Variants in SLC44A5 observed in about 807,000 individuals in gnomAD.
SLC44A5 encodes the protein choline transporter-like protein 5.
In SLC44A5, 57 loss-of-function variants were observed where a neutral mutation model predicts 101.8. The ratio of observed to expected loss-of-function variants is 0.56; its 90% CI spans 0.45 to 0.70. The LOEUF (loss-of-function observed/expected upper bound fraction) is 0.70, where lower values mean the gene tolerates loss of function less well. SLC44A5 is among the 30% of genes least tolerant of loss of function. The pLI, the probability that SLC44A5 is intolerant of heterozygous loss-of-function variation, is 0.00. For missense variants in SLC44A5, 737 were observed against 853.1 expected (o/e 0.86, Z 1.70); for synonymous variants, 281 against 290.9 (o/e 0.97, Z 0.35).
intron 3 of SLC44A5, among the ~76,000 whole-genome samples, chr1:75,356,482 T>A (rs1187071710): frequency 1.3e-5 from 2 of 151,970 alleles, no homozygotes; most frequent in Non-Finnish European, 2.9e-5. Context: ...AAAATTTTTT[T>A]GTACAGCTAT....
chr1:75,405,003 T>C (rs745880473), intron 2 of SLC44A5, among the ~76,000 whole-genome samples: 23 of 152,146 alleles, frequency 1.5e-4, no homozygotes, highest in Non-Finnish European at 2.6e-4. Context: ...TGGAGGAAGA[T>C]TTATGAAGCA....
At chr1:75,514,893 C>T (rs1274449760) in intron 2 of SLC44A5, among the ~76,000 whole-genome samples, 1 of 152,072 alleles carries the variant, frequency 6.6e-6, no homozygotes, top group African/African-American at 2.4e-5. Context: ...TACATGGACC[C>T]TATGGATGGA....
At chr1:75,638,748 A>T in the SLC44A5 span, among the ~76,000 whole-genome samples, 2 of 152,088 alleles carry the variant, frequency 1.3e-5, no homozygotes, top group Admixed American at 6.6e-5. Context: ...CATTATTTTT[A>T]TGACTATACA....
At chr1:75,445,511 A>T (rs1321160551) in intron 2 of SLC44A5, among the ~76,000 whole-genome samples, 4 of 148,972 alleles carry the variant, frequency 2.7e-5, no homozygotes, top group South Asian at 4.2e-4. Flanking sequence ...TTATACACAC[A>T]ATATAATATA....
At position 75,214,613 on chromosome 1, in the gene SLC44A5, ATT is replaced by A; in HGVS notation, c.1792_1793del (p.Asn598CysfsTer9). ...GCAGCCTGATTACTTACTTCAAAAC[ATT>A]TCTCATCAGCAGATTGAAAGCATCT... ...AKDAFNLLMR[N>X]VLKVAVTDEV... On this transcript the variant is annotated frameshift_variant, in exon 20 of 24. Transcript: ENST00000370859. LOFTEE classifies it high-confidence loss of function. 1 of 1,611,556 alleles carries A rather than the reference ATT, an allele frequency of 6.2e-7. No homozygotes were observed. Among genetic ancestry groups the A allele is most frequent in the Non-Finnish European group, 8.5e-7 (1 of 1,178,664 alleles).
intron 1 of SLC44A5, among the ~76,000 whole-genome samples, chr1:75,556,356 A>C (rs1263322023): frequency 6.6e-6 from 1 of 152,184 alleles, no homozygotes; most frequent in Admixed American, 6.6e-5. Flanking sequence ...ATCTTGGAAG[A>C]TGAAAGAGAT....
At chr1:75,564,964 A>T (rs1672717056) in intron 1 of SLC44A5, among the ~76,000 whole-genome samples, 1 of 152,184 alleles carries the variant, frequency 6.6e-6, no homozygotes, top group Non-Finnish European at 1.5e-5. Context: ...CATGTGCAGG[A>T]TGTGCAGGTT....
intron 2 of SLC44A5, among the ~76,000 whole-genome samples, chr1:75,445,462 C>T (rs1047479809): frequency 9.6e-6 from 1 of 104,420 alleles, no homozygotes. Flanking sequence ...GACTAATATG[C>T]TCACTGTCCA....
intron 1 of SLC44A5, among the ~76,000 whole-genome samples, chr1:75,605,051 G>T (rs1033057569): frequency 2.6e-5 from 4 of 151,928 alleles, no homozygotes; most frequent in African/African-American, 9.7e-5. Flanking sequence ...GGAAGAGTGG[G>T]CATCCTTGTC....
chr1:75,262,994 G>A (rs548584224), intron 6 of SLC44A5, among the ~76,000 whole-genome samples: 11 of 152,054 alleles, frequency 7.2e-5, no homozygotes, highest in Non-Finnish European at 1.5e-4. Flanking sequence ...ATGGATTAAC[G>A]ACTTAAAAAT....
chr1:75,591,294 T>C (rs378926), intron 1 of SLC44A5, among the ~76,000 whole-genome samples: 145,682 of 152,082 alleles, frequency 0.96, 69,816 homozygotes, highest in African/African-American at 0.97. Flanking sequence ...GAAAACACCA[T>C]AAAACAATAG....
intron 2 of SLC44A5, among the ~76,000 whole-genome samples, chr1:75,433,528 T>C (rs1023327510): frequency 6.6e-6 from 1 of 152,034 alleles, no homozygotes; most frequent in Non-Finnish European, 1.5e-5. Flanking sequence ...TCTCCTCCTT[T>C]TTGCTCTACA....
intron 7 of SLC44A5, among the ~76,000 whole-genome samples, chr1:75,250,123 G>A (rs549531449): frequency 2.0e-5 from 3 of 152,186 alleles, no homozygotes; most frequent in East Asian, 1.9e-4. Context: ...GTATCCATTC[G>A]TTGTTTTCCC....
At chr1:75,594,192 G>T (rs556423135) in intron 1 of SLC44A5, among the ~76,000 whole-genome samples, 13 of 151,738 alleles carry the variant, frequency 8.6e-5, no homozygotes, top group African/African-American at 3.1e-4. Context: ...CTCCAGTTGC[G>T]TCATTTAAAA....
intron 2 of SLC44A5, among the ~76,000 whole-genome samples, chr1:75,512,243 C>A (rs112858368): frequency 3.9e-5 from 6 of 152,262 alleles, no homozygotes; most frequent in African/African-American, 1.4e-4. Context: ...TCTAAGATGA[C>A]TGACTGCAGT....
At chr1:75,456,816 C>G (rs917333053) in intron 2 of SLC44A5, among the ~76,000 whole-genome samples, 8 of 152,230 alleles carry the variant, frequency 5.3e-5, no homozygotes, top group Non-Finnish European at 1.0e-4. Context: ...TCTGTGGCTT[C>G]ACACTCCCAA....
intron 2 of SLC44A5, among the ~76,000 whole-genome samples, chr1:75,484,672 C>A (rs903095648): frequency 1.3e-5 from 2 of 152,230 alleles, no homozygotes; most frequent in Non-Finnish European, 2.9e-5. Flanking sequence ...TTGCCCTCCC[C>A]TCTGCATTGC....
At chr1:75,571,217 AATGATCTTAGAT>A (rs1417336686) in intron 1 of SLC44A5, among the ~76,000 whole-genome samples, 1 of 152,212 alleles carries the variant, frequency 6.6e-6, no homozygotes, top group Non-Finnish European at 1.5e-5. Flanking sequence ...TGAATAAGAA[AATGATCTTAGAT>A]TAAAACATAT....
intron 2 of SLC44A5, among the ~76,000 whole-genome samples, chr1:75,520,713 G>A (rs899989704): frequency 2.0e-5 from 3 of 152,150 alleles, no homozygotes; most frequent in Non-Finnish European, 2.9e-5. Context: ...GTAGAATTAA[G>A]AGGCATAAGT....
Sources: allele counts gnomAD v4.1 joint callset (sites outside exome capture counted in the v4.1 genomes callset), GRCh38; gene constraint gnomAD v4.1.1; transcripts MANE v1.5; gene names NCBI Gene and HGNC (gene_info 2026-07-23, HGNC 2026-07-21).